The following FCHSD2 variants were observed in gnomAD, a reference collection of about 807,000 sequenced individuals.
FCHSD2 encodes the protein F-BAR and double SH3 domains protein 2.
FCHSD2 carries 38 observed loss-of-function variants against 108.1 expected under a neutral mutation model. The ratio of observed to expected loss-of-function variants is 0.35; its 90% CI spans 0.27 to 0.46. FCHSD2 has a LOEUF of 0.46. Ranked by LOEUF, FCHSD2 falls within the 20% of genes least tolerant of loss-of-function variation. FCHSD2 has a pLI of 1.00. For missense variants in FCHSD2, 751 were observed against 897.8 expected (o/e 0.84, Z 2.09); for synonymous variants, 279 against 314.7 (o/e 0.89, Z 1.20).
chr11:72,840,778 T>C lies in FCHSD2; in HGVS notation c.2139+99A>G, dbSNP rs59059938. 7,607 of 826,002 alleles carry C rather than the reference T, an allele frequency of 9.2e-3. 420 individuals carry two copies. The African/African-American group carries it at 0.12, about 13-fold the overall frequency. The allele number at this position is 826,002 out of a possible 1,614,324, so 51.2% of individuals were successfully genotyped here. Reference sequence around the variant, plus strand: ...AAACCCAGTTCATCCTTGTTTGGCATAGTCAGTAACAACACAGGGGCCACG... The same window carrying C: ...AAACCCAGTTCATCCTTGTTTGGCACAGTCAGTAACAACACAGGGGCCACG... On this transcript the variant is annotated intron_variant, in intron 19 of 19. Transcript: ENST00000409418.
intron 3 of FCHSD2, among the ~76,000 whole-genome samples, chr11:73,063,460 G>C (rs1394436856): frequency 3.3e-5 from 5 of 152,094 alleles, no homozygotes; most frequent in Non-Finnish European, 7.4e-5. Flanking sequence ...AATGTAAATG[G>C]GCTAAATGCC....
chr11:72,875,151 T>A (rs1344118185), intron 12 of FCHSD2, among the ~76,000 whole-genome samples: 1 of 152,194 alleles, frequency 6.6e-6, no homozygotes, highest in African/African-American at 2.4e-5. Flanking sequence ...GGACAAGGAC[T>A]GTGTGTAATG....
intron 8 of FCHSD2, among the ~76,000 whole-genome samples, chr11:72,971,904 C>T (rs998914749): frequency 7.2e-5 from 11 of 151,972 alleles, no homozygotes; most frequent in African/African-American, 1.2e-4. Flanking sequence ...TGCAAAGGAA[C>T]GAGAGATAAA....
chr11:72,966,825 A>G (rs988996035), intron 8 of FCHSD2, among the ~76,000 whole-genome samples: 5 of 152,206 alleles, frequency 3.3e-5, no homozygotes, highest in African/African-American at 7.2e-5. Context: ...AGAAGAAAAT[A>G]TAATAGAGGA....
chr11:72,881,245 C>T (rs543702278), intron 12 of FCHSD2, among the ~76,000 whole-genome samples: 1 of 152,136 alleles, frequency 6.6e-6, no homozygotes, highest in Non-Finnish European at 1.5e-5. Context: ...CAAAAGAAGA[C>T]ATAATGGCCA....
intron 8 of FCHSD2, among the ~76,000 whole-genome samples, chr11:72,954,747 AT>A (rs1856681039): frequency 6.6e-6 from 1 of 152,100 alleles, no homozygotes; most frequent in Non-Finnish European, 1.5e-5. Flanking sequence ...ATTGAGTATG[AT>A]GAAAGCCAGA....
At chr11:73,070,446 T>C (rs1859406829) in intron 3 of FCHSD2, among the ~76,000 whole-genome samples, 1 of 152,164 alleles carries the variant, frequency 6.6e-6, no homozygotes, top group African/African-American at 2.4e-5. Context: ...ATTTTTGAGA[T>C]ACAGTCTCGT....
At chr11:73,122,752 A>C (rs541297165) in intron 2 of FCHSD2, among the ~76,000 whole-genome samples, 3 of 152,172 alleles carry the variant, frequency 2.0e-5, no homozygotes, top group Non-Finnish European at 4.4e-5. Context: ...TCTCTATTGG[A>C]CTCTGTGAAA....
chr11:72,841,311 T>TCCAGC (rs1251290994), intron 18 of FCHSD2, 143 bp downstream of exon 18: 6 of 810,578 alleles, frequency 7.4e-6, no homozygotes, highest in Non-Finnish European at 1.1e-5. Flanking sequence ...AGCCTGGGTG[T>TCCAGC]CCAGCCCAGG....
intron 3 of FCHSD2, among the ~76,000 whole-genome samples, chr11:73,072,735 G>C (rs1293047404): frequency 1.3e-5 from 2 of 152,080 alleles, no homozygotes; most frequent in African/African-American, 4.8e-5. Flanking sequence ...ATCTCTAATA[G>C]CATTAGACAG....
chr11:72,916,398 C>T (rs1232398060), intron 9 of FCHSD2, among the ~76,000 whole-genome samples: 1 of 150,968 alleles, frequency 6.6e-6, no homozygotes, highest in African/African-American at 2.4e-5. Flanking sequence ...CTGCAGCTTC[C>T]AATTCCTGGG....
At chr11:73,110,469 T>C (rs1860457115) in intron 2 of FCHSD2, among the ~76,000 whole-genome samples, 1 of 152,198 alleles carries the variant, frequency 6.6e-6, no homozygotes. Context: ...TTTCAATTTA[T>C]TGGTATATAG....
At chr11:72,940,027 G>A (rs932121508) in intron 8 of FCHSD2, among the ~76,000 whole-genome samples, 3 of 152,088 alleles carry the variant, frequency 2.0e-5, no homozygotes, top group South Asian at 2.1e-4. Flanking sequence ...TGTTTTATGC[G>A]GCAGTGTTAC....
At chr11:72,861,302 T>C (rs1861566754) in intron 13 of FCHSD2, among the ~76,000 whole-genome samples, 1 of 151,878 alleles carries the variant, frequency 6.6e-6, no homozygotes, top group South Asian at 2.1e-4. Flanking sequence ...GACAAATTCC[T>C]TAAAAGAGAC....
At chr11:72,955,772 CA>C (rs1565340438) in intron 8 of FCHSD2, among the ~76,000 whole-genome samples, 1 of 152,088 alleles carries the variant, frequency 6.6e-6, no homozygotes, top group Admixed American at 6.5e-5. Context: ...AATATAGGAA[CA>C]AAAGATTCTC....
chr11:73,001,153 A>G lies in FCHSD2; in HGVS notation c.243-19T>C. 3 of 1,610,888 alleles carry G rather than the reference A, an allele frequency of 1.9e-6. No homozygotes were observed. In the African/African-American group the frequency reaches 4.0e-5, roughly 21 times the overall value. On this transcript the variant is annotated intron_variant, in intron 4 of 19. Transcript: ENST00000409418. ...CATGCTCCTAAATTCAAAGAGGGAT[A>G]GAAAAGCATTAGGCAGGGAACAGGA...
intron 3 of FCHSD2, among the ~76,000 whole-genome samples, chr11:73,082,322 G>T: frequency 9.3e-6 from 1 of 107,142 alleles, no homozygotes; most frequent in Non-Finnish European, 1.7e-5. Flanking sequence ...GGATCACAGA[G>T]TGAGACTTGT....
chr11:72,877,531 A>T (rs1024919638), intron 12 of FCHSD2, among the ~76,000 whole-genome samples: 5 of 152,132 alleles, frequency 3.3e-5, no homozygotes, highest in African/African-American at 1.2e-4. Context: ...TTGTCATCTA[A>T]AATAGTCTTA....
chr11:72,887,941 C>T (rs1855233051), intron 11 of FCHSD2, among the ~76,000 whole-genome samples: 1 of 152,200 alleles, frequency 6.6e-6, no homozygotes, highest in Non-Finnish European at 1.5e-5. Flanking sequence ...ATAAGTGGAA[C>T]ACTGAATTTG....
Sources: allele counts gnomAD v4.1 joint callset (sites outside exome capture counted in the v4.1 genomes callset), GRCh38; gene constraint gnomAD v4.1.1; transcripts MANE v1.5; gene names NCBI Gene and HGNC (gene_info 2026-07-23, HGNC 2026-07-21).